Variants in ABCA4 observed in about 807,000 individuals in gnomAD.
The protein encoded by ABCA4 is ATP binding cassette subfamily A member 4, also known as retinal-specific phospholipid-transporting ATPase ABCA4.
Under a neutral mutation model 263.7 loss-of-function variants are expected in ABCA4, and 196 were observed. The ratio of observed to expected loss-of-function variants is 0.74; its 90% confidence interval spans 0.66 to 0.84. The LOEUF is 0.84. Among genes scored for constraint, ABCA4 ranks in the 40% least tolerant of loss-of-function variants. The probability of loss-of-function intolerance (pLI) is 0.00; values close to 1 mark genes in which losing one functional copy is unlikely to be tolerated. For missense variants in ABCA4, 2,792 were observed against 2,855.1 expected, an observed-to-expected ratio of 0.98 and a Z score of 0.50; for synonymous variants, 1,133 against 1,094.2, an observed-to-expected ratio of 1.04 and a Z score of -0.70.
intron 36 of ABCA4, chr1:94,018,590 C>T: frequency 2.2e-6 from 1 of 455,580 alleles, no homozygotes; most frequent in South Asian, 1.6e-5. Context: ...TTTAAAAAAC[C>T]ATGGATGAGA....
chr1:94,090,006 C>G (rs1162576488), intron 6 of ABCA4, among the ~76,000 whole-genome samples: 1 of 152,180 alleles, frequency 6.6e-6, no homozygotes, highest in Non-Finnish European at 1.5e-5. Flanking sequence ...GATGCCCTCC[C>G]ATGGCAGGGG....
chr1:94,014,727 C>T, intron 37 of ABCA4, 37 bp from the exon 38 acceptor site: 1 of 1,613,366 alleles, frequency 6.2e-7, no homozygotes, highest in Non-Finnish European at 8.5e-7. Flanking sequence ...GATGGAGTTC[C>T]ACATTCCATT....
At chr1:94,001,139 TG>T (rs1272004315) in intron 45 of ABCA4, 34 bp from the exon 46 acceptor site, 1 of 1,562,752 alleles carries the variant, frequency 6.4e-7, no homozygotes, top group Non-Finnish European at 8.8e-7. Flanking sequence ...GGGCACAGGC[TG>T]GGAGCTGGCC....
chr1:94,046,050 C>T, intron 19 of ABCA4: 1 of 408,342 alleles, frequency 2.4e-6, no homozygotes, highest in Non-Finnish European at 4.9e-6. Context: ...CCTCTAGAGA[C>T]TGATTCTTTT....
intron 22 of ABCA4, 107 bp from the exon 23 acceptor site, chr1:94,041,509 T>A: frequency 1.7e-6 from 2 of 1,184,650 alleles, no homozygotes; most frequent in Non-Finnish European, 2.3e-6. Flanking sequence ...AATCAGGAGT[T>A]AACTAAAAAA....
rs377633038 is a variant in ABCA4, at chr1:94,036,793, C to T, written c.3814-5G>A. ...CTCCGTGACCTTCAGAAAAATCTGT[C>T]AAGAAGAAAAAAAGAGAGAATTTTG... is the stretch of plus-strand genomic sequence containing the variant. On this transcript the variant is annotated splice_polypyrimidine_tract_variant and splice_region_variant and intron_variant, in intron 25 of 49. Transcript: ENST00000370225. 1 of 1,613,566 alleles carries T rather than the reference C, an allele frequency of 6.2e-7. No individual in the cohort carries two copies. Among genetic ancestry groups the T allele is most frequent in the Non-Finnish European group, 8.5e-7 (1 of 1,179,776 alleles).
chr1:94,116,962 TTCTTTC>T (rs751811988), intron 1 of ABCA4, among the ~76,000 whole-genome samples: 2,044 of 121,244 alleles, frequency 0.017, 56 homozygotes, highest in East Asian at 0.084. Context: ...CCTCCTTTCT[TTCTTTC>T]TCTTTCTTTC....
At chr1:94,045,836 T>A (rs1311032151) in intron 19 of ABCA4, 1 of 456,286 alleles carries the variant, frequency 2.2e-6, no homozygotes, top group Non-Finnish European at 4.4e-6. Context: ...ACTTGAAGAC[T>A]GTGTCACGTG....
rs563408561 is a variant in ABCA4 at position 94,120,892 on chromosome 1, A to T, written c.66+88T>A. On this transcript the variant is annotated intron_variant, in intron 1 of 49. Coordinates refer to ENST00000370225, the MANE Select transcript of ABCA4 (RefSeq NM_000350.3). ...TGCTCACAACCCCCCACCCTGCCCC[A>T]CCACCCTACCCCACCACCCCACCCC... is the stretch of plus-strand genomic sequence containing the variant. 226 of 126,836 alleles carry T rather than the reference A, an allele frequency of 1.8e-3. No individual in the cohort carries two copies. In the East Asian group the frequency reaches 0.039, roughly 22 times the overall value. 7.9% of individuals were successfully genotyped at this position (126,836 alleles called of 1,614,324 possible). A position where few individuals can be genotyped will look rare whatever the true frequency, so the allele number is the denominator to read the frequency against.
intron 6 of ABCA4, among the ~76,000 whole-genome samples, chr1:94,097,057 C>A (rs1662142451): frequency 6.6e-6 from 1 of 152,246 alleles, no homozygotes; most frequent in Admixed American, 6.5e-5. Flanking sequence ...CTGTCTGATT[C>A]TGAAAACAAG....
At chr1:94,115,586 G>A (rs1011580465) in intron 1 of ABCA4, among the ~76,000 whole-genome samples, 12 of 152,120 alleles carry the variant, frequency 7.9e-5, no homozygotes, top group African/African-American at 2.4e-4. Flanking sequence ...CAACTCTTCC[G>A]TGCCAAATGG....
Position 94,011,393 on chromosome 1 carries a change from A to T in ABCA4, c.5461-8T>A. ...GTTGAACCTGAGCAGCGTCTGAAACAGAGAAGTAGGACTGTTGGAAACGGG... is the reference window on the plus strand; with the variant it reads ...GTTGAACCTGAGCAGCGTCTGAAACTGAGAAGTAGGACTGTTGGAAACGGG... On this transcript the variant is annotated splice_region_variant and splice_polypyrimidine_tract_variant and intron_variant, in intron 38 of 49. Transcript: ENST00000370225. 6.2e-7 allele frequency: 1 copy of T among 1,613,638 alleles called. No homozygotes were observed. The highest frequency in any genetic ancestry group is 1.3e-5 in the African/African-American group (1 of 74,882).
rs746200376 is a variant in ABCA4 at position 94,001,107 on chromosome 1, T to TG, written c.6283-3dup. Reference sequence around the variant, plus strand: ...GTCCATCCCTGTGGTGGGCTCATCCTGGGGGGTGGAGAGAAGGTTGGGGGC... The same window carrying TG: ...GTCCATCCCTGTGGTGGGCTCATCCTGGGGGGGTGGAGAGAAGGTTGGGGGC... On this transcript the variant is annotated splice_region_variant and splice_polypyrimidine_tract_variant and intron_variant, in intron 45 of 49. Coordinates refer to ENST00000370225, the MANE Select transcript of ABCA4 (RefSeq NM_000350.3). The TG allele has an allele frequency of 1.9e-6, 3 of 1,612,696 alleles. No individual in the cohort carries two copies. The highest frequency in any genetic ancestry group is 2.2e-5 in the East Asian group (1 of 44,860).
chr1:94,021,525 T>A, intron 34 of ABCA4, 115 bp downstream of exon 34: 1 of 1,516,618 alleles, frequency 6.6e-7, no homozygotes, highest in Non-Finnish European at 9.1e-7. Context: ...AGACATTCCT[T>A]GCTAGATTTC....
At chr1:94,013,476 C>T (rs1024985181) in intron 38 of ABCA4, among the ~76,000 whole-genome samples, 2 of 152,072 alleles carry the variant, frequency 1.3e-5, no homozygotes, top group African/African-American at 4.8e-5. Context: ...GCCGGTCCCA[C>T]CCTCTGAACT....
chr1:94,098,712 G>C, intron 6 of ABCA4, 82 bp downstream of exon 6: 1 of 1,507,192 alleles, frequency 6.6e-7, no homozygotes, highest in Non-Finnish European at 9.2e-7. Flanking sequence ...CCAGGCTCAC[G>C]CCCTCCCCAA....
At chr1:94,100,130 C>G (rs1662251038) in intron 5 of ABCA4, among the ~76,000 whole-genome samples, 1 of 152,152 alleles carries the variant, frequency 6.6e-6, no homozygotes, top group East Asian at 1.9e-4. Flanking sequence ...ACCTCCTACA[C>G]TGTCCAGACT....
chr1:94,072,484 T>C (rs765582077), intron 11 of ABCA4, among the ~76,000 whole-genome samples: 2 of 152,210 alleles, frequency 1.3e-5, no homozygotes, highest in Non-Finnish European at 2.9e-5. Context: ...CCTAACCTTT[T>C]GCTAAACAAA....
At chr1:94,083,794 C>T (rs1321633531) in intron 6 of ABCA4, among the ~76,000 whole-genome samples, 1 of 152,160 alleles carries the variant, frequency 6.6e-6, no homozygotes, top group Non-Finnish European at 1.5e-5. Context: ...GAAGGAAGTG[C>T]TGCGGGCCTG....
Sources: allele counts gnomAD v4.1 joint callset (sites outside exome capture counted in the v4.1 genomes callset), GRCh38; gene constraint gnomAD v4.1.1; transcripts MANE v1.5; gene names NCBI Gene and HGNC (gene_info 2026-07-23, HGNC 2026-07-21).